The following LASP1 variants were observed in gnomAD, a reference collection of about 807,000 sequenced individuals.
LASP1 encodes LIM and SH3 domain protein 1.
A neutral mutation model predicts 38.6 loss-of-function variants in LASP1; 10 were observed. That is an observed-to-expected ratio of 0.26 (90% CI 0.16 to 0.44). The LOEUF is 0.44. Ranked by LOEUF, LASP1 falls within the 20% of genes least tolerant of loss-of-function variation. LASP1 has a pLI of 1.00. For synonymous variants in LASP1, 132 were observed against 140.8 expected (o/e 0.94, Z 0.44); for missense variants, 243 against 375.7 (o/e 0.65, Z 2.92).
At chr17:38,878,225 C>G (rs771627068) in intron 2 of LASP1, 45 bp downstream of exon 2, 1 of 1,314,664 alleles carries the variant, frequency 7.6e-7, no homozygotes, top group African/African-American at 1.4e-5. Context: ...ACCTTGGCTC[C>G]CTCCCCGAGT....
At chr17:38,878,595 G>T (rs1598104572) in intron 2 of LASP1, among the ~76,000 whole-genome samples, 2 of 152,252 alleles carry the variant, frequency 1.3e-5, no homozygotes, top group Middle Eastern at 3.4e-3. Context: ...TGAGGACTTT[G>T]TTCTGTTTAC....
chr17:38,897,010 C>G, intron 3 of LASP1: 1 of 985,506 alleles, frequency 1.0e-6, no homozygotes. Flanking sequence ...CCCAAAGGGC[C>G]TCCCACTAAG....
chr17:38,915,759 T>C (rs1183042629), intron 6 of LASP1: 1 of 152,134 alleles, frequency 6.6e-6, no homozygotes, highest in African/African-American at 2.4e-5. Context: ...AGATCAGGCT[T>C]CCTGAGCCCT....
In LASP1 at chr17:38,921,474, C is replaced by G. The variant is rs545615927; in HGVS notation, c.*2696C>G. The G allele has an allele frequency of 1.4e-4, 32 of 232,286 alleles. No individual in the cohort carries two copies. Among genetic ancestry groups the G allele is most frequent in the Middle Eastern group, 2.6e-3 (2 of 782 alleles). The allele number at this position is 232,286 out of a possible 1,614,324, so 14.4% of individuals were successfully genotyped here. ...GGCCTTTTTTTATAGCTGGAAAAAA[C>G]AAAATACCACCCTACAAACCTGTAT... On this transcript the variant is annotated 3_prime_UTR_variant, in exon 7 of 7. Coordinates refer to ENST00000318008, the MANE Select transcript of LASP1 (RefSeq NM_006148.4).
intron 4 of LASP1, among the ~76,000 whole-genome samples, chr17:38,908,197 G>C (rs1341516782): frequency 1.3e-5 from 2 of 152,236 alleles, no homozygotes; most frequent in African/African-American, 4.8e-5. Context: ...GGCACCTTCG[G>C]GGCCCAGGGC....
At chr17:38,875,071 G>GTTTGTGTGTGTGTGTGTGTGTGTA (rs1567694225) in intron 1 of LASP1, among the ~76,000 whole-genome samples, 1 of 135,772 alleles carries the variant, frequency 7.4e-6, no homozygotes, top group African/African-American at 2.8e-5. Flanking sequence ...GTGTGTGTGT[G>GTTTGTGTGTGTGTGTGTGTGTGTA]TGTGTGTGTG....
intron 2 of LASP1, among the ~76,000 whole-genome samples, chr17:38,884,330 TA>T (rs150173652): frequency 0.16 from 23,670 of 150,718 alleles, 2,267 homozygotes; most frequent in Non-Finnish European, 0.21. Flanking sequence ...TCCTCACAGA[TA>T]ACCCCTCTCC....
rs777248488 is a variant in LASP1, at chr17:38,898,400, C to T, written c.250-12C>T. 2 of 1,539,608 alleles carry T rather than the reference C, an allele frequency of 1.3e-6. No homozygotes were observed. The highest frequency in any genetic ancestry group is 2.4e-5 in the South Asian group (2 of 83,406). On this transcript the variant is annotated splice_polypyrimidine_tract_variant and intron_variant, in intron 3 of 6. Coordinates refer to ENST00000318008, the MANE Select transcript of LASP1 (RefSeq NM_006148.4). ...TGGCCTGACTCCAATCCCTCTTCCT[C>T]CCCTCCTGCAGGTGCGCTACAAGGA...
Position 38,918,877 on chromosome 17 carries a change from T to G in LASP1, c.*99T>G. The G allele has an allele frequency of 7.5e-7, 1 of 1,334,190 alleles. No individual in the cohort carries two copies. The highest frequency in any genetic ancestry group is 1.3e-5 in the South Asian group (1 of 75,826). 82.6% of individuals were successfully genotyped at this position (1,334,190 alleles called of 1,614,324 possible). On this transcript the variant is annotated 3_prime_UTR_variant, in exon 7 of 7. Transcript: ENST00000318008. This position sits in a 1 kb window ranked among gnomAD's most constrained non-coding sequence, Gnocchi z 4.4. ...TTCAGTGTCTCTGTTTTTTAAAACC[T>G]GCGACAGCTTGTGATTCCTACCCCT...
chr17:38,872,774 A>G lies in LASP1; in HGVS notation c.69+2516A>G, dbSNP rs527552380. Among the ~76,000 whole-genome samples, 6 of 152,222 alleles carry G rather than the reference A, an allele frequency of 3.9e-5. 1 individual carries two copies. The South Asian group carries it at 1.2e-3, about 32-fold the overall frequency. ...CTCAGCCCACTACGTGGCCCAAAGC[A>G]CAGGGTGTGTCCTTGGTTTCAGCCT... On this transcript the variant is annotated intron_variant, in intron 1 of 6. Coordinates refer to ENST00000318008, the MANE Select transcript of LASP1 (RefSeq NM_006148.4).
At chr17:38,878,554 G>A (rs1332783465) in intron 2 of LASP1, among the ~76,000 whole-genome samples, 1 of 152,174 alleles carries the variant, frequency 6.6e-6, no homozygotes, top group South Asian at 2.1e-4. Context: ...GGTCTTTCAA[G>A]AATGAGTGAC....
intron 3 of LASP1, among the ~76,000 whole-genome samples, chr17:38,893,761 G>GGGCTGAGCCGGCCA (rs1358770604): frequency 6.6e-6 from 1 of 152,220 alleles, no homozygotes; most frequent in Non-Finnish European, 1.5e-5. Context: ...AGGCTTGGAA[G>GGGCTGAGCCGGCCA]GGCTGAGCCG....
At position 38,893,167 on chromosome 17, in the gene LASP1, G is replaced by C. The variant is rs113519427; in HGVS notation, c.249+2663G>C. ...GCTTGTGCAGAGCCCAGGGACAGGG[G>C]CAGACATCAAGTCCCATGACCTGGC... On this transcript the variant is annotated intron_variant, in intron 3 of 6. Transcript: ENST00000318008. Among the ~76,000 whole-genome samples the C allele has an allele frequency of 6.2e-3, 952 of 152,352 alleles. 11 individuals carry two copies. The highest frequency in any genetic ancestry group is 0.021 in the African/African-American group (892 of 41,582).
chr17:38,911,537 C>A (rs964594981), intron 4 of LASP1, among the ~76,000 whole-genome samples: 1 of 152,186 alleles, frequency 6.6e-6, no homozygotes, highest in Non-Finnish European at 1.5e-5. Flanking sequence ...CCCTTGTCTT[C>A]CCCCACCACC....
chr17:38,897,379 G>A (rs574324765), intron 3 of LASP1, among the ~76,000 whole-genome samples: 37 of 152,364 alleles, frequency 2.4e-4, no homozygotes, highest in South Asian at 1.9e-3. Flanking sequence ...TGTGTCCTGG[G>A]CTGACCTGTG....
At chr17:38,910,904 G>T (rs1914920700) in intron 4 of LASP1, among the ~76,000 whole-genome samples, 2 of 152,026 alleles carry the variant, frequency 1.3e-5, no homozygotes, top group South Asian at 4.1e-4. Flanking sequence ...TGTATTTTCA[G>T]TAGAGACGGC....
intron 4 of LASP1, among the ~76,000 whole-genome samples, chr17:38,905,092 T>C (rs1301094351): frequency 6.6e-6 from 1 of 152,238 alleles, no homozygotes; most frequent in Non-Finnish European, 1.5e-5. Flanking sequence ...TTTTCATTGC[T>C]ATATAGTATT....
intron 3 of LASP1, among the ~76,000 whole-genome samples, chr17:38,896,328 C>G (rs1017210548): frequency 2.6e-5 from 4 of 152,166 alleles, no homozygotes; most frequent in Non-Finnish European, 4.4e-5. Flanking sequence ...CTTCAGGGGA[C>G]CCAGAGAGGG....
intron 3 of LASP1, among the ~76,000 whole-genome samples, chr17:38,895,822 G>C (rs993693302): frequency 6.6e-6 from 1 of 152,214 alleles, no homozygotes; most frequent in Non-Finnish European, 1.5e-5. Context: ...AGAAAAATTA[G>C]AGTTTCACGG....
Sources: allele counts gnomAD v4.1 joint callset (sites outside exome capture counted in the v4.1 genomes callset), GRCh38; gene constraint gnomAD v4.1.1; non-coding constraint Gnocchi (gnomAD v3.1); transcripts MANE v1.5; gene names NCBI Gene and HGNC (gene_info 2026-07-23, HGNC 2026-07-21).